CPE: variants seen among roughly 807,000 people sequenced by gnomAD.
The protein encoded by CPE is carbocypeptidase E.
A neutral mutation model predicts 53.5 loss-of-function variants in CPE; 17 were observed. That is an observed-to-expected ratio of 0.32 (90% confidence interval 0.22 to 0.48). CPE has a LOEUF of 0.48. CPE is among the 20% of genes least tolerant of loss of function. The pLI, the probability that CPE is intolerant of heterozygous loss-of-function variation, is 0.99. For synonymous variants in CPE, 226 were observed against 228.8 expected, an observed-to-expected ratio of 0.99 and a Z score of 0.11; for missense variants, 524 against 614.7, an observed-to-expected ratio of 0.85 and a Z score of 1.56.
At chr4:165,405,156 G>A in intron 1 of CPE, 1 of 768,888 alleles carries the variant, frequency 1.3e-6, no homozygotes, top group Non-Finnish European at 2.4e-6. Context: ...TTGAACACTT[G>A]TTGCTGTCCT....
chr4:165,436,073 A>G (rs949240759), intron 1 of CPE, among the ~76,000 whole-genome samples: 1 of 152,124 alleles, frequency 6.6e-6, no homozygotes, highest in African/African-American at 2.4e-5. Flanking sequence ...TAGAAACCCT[A>G]GCACTCTGTT....
intron 1 of CPE, among the ~76,000 whole-genome samples, chr4:165,458,032 C>T (rs1245905573): frequency 6.6e-6 from 1 of 152,084 alleles, no homozygotes; most frequent in Non-Finnish European, 1.5e-5. Context: ...TCAGTTTCTG[C>T]AAGAATGATT....
chr4:165,481,173 C>T (rs550622771), intron 3 of CPE, among the ~76,000 whole-genome samples: 18 of 152,156 alleles, frequency 1.2e-4, no homozygotes, highest in African/African-American at 2.9e-4. Context: ...CTAGAAACAG[C>T]GTGAGCCTTA....
Position 165,449,462 on chromosome 4 carries a change from G to A in CPE, c.308-14928G>A, listed in dbSNP as rs1008111207. Reference sequence around the variant, plus strand: ...GACTGTCCTTGTTGCTCTGTTGTCTGTGTCTTTTCCTGTCTTGGATGTTGG... The same window carrying A: ...GACTGTCCTTGTTGCTCTGTTGTCTATGTCTTTTCCTGTCTTGGATGTTGG... On this transcript the variant is annotated intron_variant, in intron 1 of 8. Transcript: ENST00000402744. Among the ~76,000 whole-genome samples, 4 of 152,148 alleles carry A rather than the reference G, an allele frequency of 2.6e-5. 1 individual carries two copies. Among genetic ancestry groups the A allele is most frequent in the Admixed American group, 6.5e-5 (1 of 15,278 alleles).
chr4:165,441,385 G>A (rs1049385003), intron 1 of CPE, among the ~76,000 whole-genome samples: 1 of 152,064 alleles, frequency 6.6e-6, no homozygotes, highest in Admixed American at 6.6e-5. Context: ...GACATAGTAC[G>A]TCCCAGTGAC....
chr4:165,436,492 T>C (rs1449955764), intron 1 of CPE, among the ~76,000 whole-genome samples: 1 of 152,206 alleles, frequency 6.6e-6, no homozygotes, highest in Non-Finnish European at 1.5e-5. Context: ...GATTGTTTCC[T>C]GATCTTTACA....
At chr4:165,462,170 G>A (rs1732019124) in intron 1 of CPE, among the ~76,000 whole-genome samples, 2 of 152,188 alleles carry the variant, frequency 1.3e-5, no homozygotes, top group South Asian at 4.1e-4. Flanking sequence ...ACATAAATGA[G>A]TAAAGCAGCA....
intron 1 of CPE, among the ~76,000 whole-genome samples, chr4:165,387,870 C>T (rs1730619564): frequency 6.6e-6 from 1 of 152,162 alleles, no homozygotes; most frequent in Non-Finnish European, 1.5e-5. Context: ...GATCTGCCCG[C>T]CTCGGTCTCC....
intron 4 of CPE, among the ~76,000 whole-genome samples, chr4:165,483,284 C>G (rs979965586): frequency 6.6e-6 from 1 of 152,116 alleles, no homozygotes; most frequent in Non-Finnish European, 1.5e-5. Context: ...GATAATGGCT[C>G]CTAGCTCCAT....
At chr4:165,465,894 A>G (rs1333534597) in intron 2 of CPE, among the ~76,000 whole-genome samples, 1 of 152,222 alleles carries the variant, frequency 6.6e-6, no homozygotes, top group Non-Finnish European at 1.5e-5. Flanking sequence ...TTTTACTTAA[A>G]TCTAATTATA....
At chr4:165,382,683 G>A (rs1004876134) in intron 1 of CPE, among the ~76,000 whole-genome samples, 1 of 152,146 alleles carries the variant, frequency 6.6e-6, no homozygotes, top group East Asian at 1.9e-4. Context: ...CAAGCTAGAG[G>A]TTTACTTTGT....
chr4:165,486,131 G>T (rs1732501210), intron 5 of CPE, among the ~76,000 whole-genome samples: 1 of 152,098 alleles, frequency 6.6e-6, no homozygotes, highest in Non-Finnish European at 1.5e-5. Flanking sequence ...AGGAATTGGG[G>T]GTGAGAGATA....
intron 1 of CPE, among the ~76,000 whole-genome samples, chr4:165,408,961 A>G (rs1461216391): frequency 6.6e-6 from 1 of 152,222 alleles, no homozygotes; most frequent in Non-Finnish European, 1.5e-5. Context: ...AGGACACATT[A>G]TGGAATGGAT....
chr4:165,480,324 A>G (rs1181321462), intron 3 of CPE, among the ~76,000 whole-genome samples: 1 of 152,252 alleles, frequency 6.6e-6, no homozygotes, highest in Non-Finnish European at 1.5e-5. Flanking sequence ...AACTTAAAAC[A>G]TTTTTAGCTA....
intron 1 of CPE, chr4:165,404,567 T>C: frequency 1.0e-6 from 1 of 968,334 alleles, no homozygotes; most frequent in East Asian, 2.4e-5. Flanking sequence ...GGCCACATGT[T>C]TCGCTACATC....
chr4:165,417,417 A>G (rs13134608), intron 1 of CPE, among the ~76,000 whole-genome samples: 49,731 of 152,038 alleles, frequency 0.33, 8,308 homozygotes, highest in East Asian at 0.43. Context: ...TTCATTCAAC[A>G]ATGTAATGAA....
chr4:165,403,801 T>G (rs553313164), intron 1 of CPE, among the ~76,000 whole-genome samples: 2 of 152,242 alleles, frequency 1.3e-5, no homozygotes, highest in East Asian at 3.9e-4. Flanking sequence ...CAGATGGCTC[T>G]TGGCTGCCAC....
intron 1 of CPE, chr4:165,405,770 T>C: frequency 1.1e-6 from 1 of 904,266 alleles, no homozygotes; most frequent in East Asian, 2.6e-5. Context: ...GTCAGCATCA[T>C]GTCAAAAGCA....
intron 1 of CPE, among the ~76,000 whole-genome samples, chr4:165,459,809 A>C (rs1226936564): frequency 2.7e-5 from 4 of 150,444 alleles, no homozygotes; most frequent in African/African-American, 9.8e-5. Context: ...CCAGCTACTC[A>C]GGAGGCTGAG....
Sources: allele counts gnomAD v4.1 joint callset (sites outside exome capture counted in the v4.1 genomes callset), GRCh38; gene constraint gnomAD v4.1.1; transcripts MANE v1.5; gene names NCBI Gene and HGNC (gene_info 2026-07-23, HGNC 2026-07-21).